Variants in ABHD18 observed in about 807,000 individuals in gnomAD.
The protein encoded by ABHD18 is cardiolipin-specific deacylase, mitochondrial.
Under a neutral mutation model 65.9 loss-of-function variants are expected in ABHD18, and 55 were observed. The observed-to-expected ratio is 0.84, with a 90% CI of 0.67 to 1.05. The LOEUF is 1.05. Among genes scored for constraint, ABHD18 ranks in the 50% least tolerant of loss-of-function variants. The pLI is 0.00. For missense variants in ABHD18, 533 were observed against 558.5 expected, an observed-to-expected ratio of 0.95 and a Z score of 0.46; for synonymous variants, 181 against 180.2, an observed-to-expected ratio of 1.00 and a Z score of -0.04.
intron 10 of ABHD18, among the ~76,000 whole-genome samples, chr4:128,024,220 G>C (rs1579436688): frequency 1.3e-5 from 2 of 152,178 alleles, no homozygotes; most frequent in East Asian, 3.8e-4. Flanking sequence ...GTGTGTGTGT[G>C]CAAAAGAGAT....
chr4:127,982,831 G>T, intron 1 of ABHD18, 108 bp from the exon 2 acceptor site: 10 of 575,626 alleles, frequency 1.7e-5, no homozygotes, highest in South Asian at 5.6e-5. Flanking sequence ...GAATTAATTC[G>T]TCTCAATCTT....
chr4:127,990,104 T>A (rs1579223411), intron 4 of ABHD18, among the ~76,000 whole-genome samples: 1 of 152,194 alleles, frequency 6.6e-6, no homozygotes, highest in Non-Finnish European at 1.5e-5. Context: ...CATGGAAATA[T>A]GGTCACAATG....
rs187216554 is a variant in ABHD18 at position 128,021,587 on chromosome 4, G to C, written c.801+349G>C. ...GAGAATCTCTTGAACTTAGGAGGCAGAGGTTGCAGTGAACCAAGATTGTGC... is the reference window on the plus strand; with the variant it reads ...GAGAATCTCTTGAACTTAGGAGGCACAGGTTGCAGTGAACCAAGATTGTGC... On this transcript the variant is annotated intron_variant, in intron 10 of 12. Coordinates refer to ENST00000645843, the MANE Select transcript of ABHD18 (RefSeq NM_001358451.3). 1.8e-3 allele frequency among the ~76,000 whole-genome samples: 268 copies of C among 150,466 alleles called. 1 individual carries two copies. Among genetic ancestry groups the C allele is most frequent in the African/African-American group, 6.4e-3 (256 of 39,842 alleles).
At chr4:128,017,561 C>G (rs996289536) in intron 8 of ABHD18, 60 bp downstream of exon 8, 1 of 1,433,622 alleles carries the variant, frequency 7.0e-7, no homozygotes, top group Non-Finnish European at 9.3e-7. Context: ...ATCTAGAGAA[C>G]CTGGTTATTT....
At chr4:127,973,565 T>A (rs1332294883) in intron 1 of ABHD18, among the ~76,000 whole-genome samples, 2 of 152,110 alleles carry the variant, frequency 1.3e-5, no homozygotes, top group Admixed American at 1.3e-4. Context: ...TTTTGTGTGA[T>A]CCCCTTCCTT....
intron 1 of ABHD18, among the ~76,000 whole-genome samples, chr4:127,977,137 G>A (rs1748087791): frequency 6.6e-6 from 1 of 151,942 alleles, no homozygotes; most frequent in African/African-American, 2.4e-5. Context: ...TATTAAGGCT[G>A]TTTTGGAAAA....
intron 4 of ABHD18, among the ~76,000 whole-genome samples, chr4:128,007,664 C>A (rs1256241569): frequency 5.3e-5 from 8 of 150,702 alleles, no homozygotes; most frequent in Non-Finnish European, 1.2e-4. Flanking sequence ...TCACTTGAGC[C>A]CAGGAAGTTA....
At chr4:128,028,973 C>A (rs1757792648) in intron 11 of ABHD18, 120 bp downstream of exon 11, 11 of 767,266 alleles carry the variant, frequency 1.4e-5, no homozygotes, top group Non-Finnish European at 2.0e-5. Flanking sequence ...TTGTTGGCTC[C>A]AGAATATGTT....
chr4:128,021,098 T>C (rs1051000974), intron 9 of ABHD18, 39 bp from the exon 10 acceptor site: 4 of 1,306,924 alleles, frequency 3.1e-6, no homozygotes, highest in Non-Finnish European at 3.2e-6. Flanking sequence ...CAAATTGCCT[T>C]ATGATGTGGT....
Position 128,030,521 on chromosome 4 carries a change from C to G in ABHD18, c.1192C>G (p.Pro398Ala). ...HVANFSVPVD[P>A]SLIIVVQAKE... ...AATCCTATACCTAGTCCCAGTTGAT[C>G]CAAGCCTCATTATAGTGGTTCAAGC... The change falls in exon 12 of 13, where the codon CCA becomes GCA. Residue 398 changes from proline to alanine, a missense_variant. Around this residue, in one of 3 missense-constraint regions of ABHD18, gnomAD observed 220 missense variants for 226.8 expected, o/e 0.97. Transcript: ENST00000645843. 6.4e-7 allele frequency: 1 copy of G among 1,561,160 alleles called. No homozygotes were observed. Among genetic ancestry groups the G allele is most frequent in the Non-Finnish European group, 8.6e-7 (1 of 1,163,316 alleles).
At chr4:128,014,436 A>G (rs1172256008) in intron 7 of ABHD18, among the ~76,000 whole-genome samples, 1 of 152,208 alleles carries the variant, frequency 6.6e-6, no homozygotes, top group Non-Finnish European at 1.5e-5. Context: ...GGAGTCATAC[A>G]GGCATAGGTT....
At chr4:127,967,365 C>T (rs1745819754) in intron 1 of ABHD18, among the ~76,000 whole-genome samples, 1 of 152,080 alleles carries the variant, frequency 6.6e-6, no homozygotes, top group Non-Finnish European at 1.5e-5. Flanking sequence ...TGCAGGACTC[C>T]TGATCCTAAG....
intron 4 of ABHD18, chr4:128,001,609 T>A (rs1215045929): frequency 1.9e-6 from 2 of 1,074,230 alleles, no homozygotes; most frequent in African/African-American, 3.3e-5. Context: ...GATGCCTTTA[T>A]TATCCCTCAT....
In ABHD18 at chr4:128,039,489, T is replaced by G. The variant is rs1393871899; in HGVS notation, c.*3676T>G. ...GACCTCTAAGTTTGAGACCCCTGAT[T>G]TAGATCTGTAATTAGAAAAAGGTTC... On this transcript the variant is annotated 3_prime_UTR_variant, in exon 13 of 13. Transcript: ENST00000645843. 6.6e-6 allele frequency: 1 copy of G among 152,060 alleles called. No individual in the cohort carries two copies. Among genetic ancestry groups the G allele is most frequent in the Non-Finnish European group, 1.5e-5 (1 of 68,024 alleles). 9.4% of individuals were successfully genotyped at this position (152,060 alleles called of 1,614,324 possible).
Position 128,030,391 on chromosome 4 carries a change from A to G in ABHD18, c.1181-119A>G, listed in dbSNP as rs576363265. On this transcript the variant is annotated intron_variant, in intron 11 of 12. Transcript: ENST00000645843. ...GGAGATGAGTAAGGTAGCATATTAT[A>G]GTTGATTTTTAATTTAATCAAAAAT... 15 of 631,652 alleles carry G rather than the reference A, an allele frequency of 2.4e-5. No individual in the cohort carries two copies. The South Asian group carries it at 2.4e-4, about 10-fold the overall frequency. 39.1% of individuals were successfully genotyped at this position (631,652 alleles called of 1,614,324 possible). A position where few individuals can be genotyped will look rare whatever the true frequency, so the allele number is the denominator to read the frequency against.
intron 1 of ABHD18, among the ~76,000 whole-genome samples, chr4:127,969,402 T>C (rs923844704): frequency 2.0e-5 from 3 of 151,920 alleles, no homozygotes; most frequent in African/African-American, 7.3e-5. Flanking sequence ...GGTTTCTCCA[T>C]GGGTCAGGCT....
chr4:128,037,387 AC>A lies in ABHD18; in HGVS notation c.*1575del, dbSNP rs1758978123. 1 of 151,876 alleles carries A rather than the reference AC, an allele frequency of 6.6e-6. No homozygotes were observed. The highest frequency in any genetic ancestry group is 2.1e-4 in the South Asian group (1 of 4,800). The allele number at this position is 151,876 out of a possible 1,614,324, so 9.4% of individuals were successfully genotyped here. On this transcript the variant is annotated 3_prime_UTR_variant, in exon 13 of 13. Coordinates refer to ENST00000645843, the MANE Select transcript of ABHD18 (RefSeq NM_001358451.3). ...ATTGGAAGACCTGTTGCATTAACTG[AC>A]GGAGTGCAGTGGCATGATCTTGGCT... is the stretch of plus-strand genomic sequence containing the variant.
chr4:128,007,011 G>A (rs1385680778), intron 4 of ABHD18, among the ~76,000 whole-genome samples: 1 of 152,176 alleles, frequency 6.6e-6, no homozygotes, highest in Non-Finnish European at 1.5e-5. Flanking sequence ...CGGGCATGGT[G>A]GCACATGCCT....
At chr4:128,001,295 T>G (rs1247717433) in intron 4 of ABHD18, among the ~76,000 whole-genome samples, 23 of 152,196 alleles carry the variant, frequency 1.5e-4, no homozygotes, top group Admixed American at 1.5e-3. Flanking sequence ...GCTCTTATTA[T>G]TTTGAGGTAT....
Sources: allele counts gnomAD v4.1 joint callset (sites outside exome capture counted in the v4.1 genomes callset), GRCh38; gene constraint gnomAD v4.1.1; regional missense constraint gnomAD v4.1.1; transcripts MANE v1.5; gene names NCBI Gene and HGNC (gene_info 2026-07-23, HGNC 2026-07-21).